Variants in GPD1 observed in about 807,000 individuals in gnomAD.
The protein encoded by GPD1 is glycerol-3-phosphate dehydrogenase [NAD(+)], cytoplasmic.
A neutral mutation model predicts 34.4 loss-of-function variants in GPD1; 19 were observed. The observed-to-expected ratio is 0.55, with a 90% CI of 0.39 to 0.81. The LOEUF is 0.81. GPD1 is among the 30% of genes least tolerant of loss of function. The pLI is 0.00. For synonymous variants in GPD1, 172 were observed against 174.1 expected, an observed-to-expected ratio of 0.99 and a Z score of 0.09; for missense variants, 429 against 447.0, an observed-to-expected ratio of 0.96 and a Z score of 0.36.
In GPD1 at chr12:50,104,623, C is replaced by T. The variant is rs758587030; in HGVS notation, c.91C>T (p.Gln31Ter). 5 of 1,613,742 alleles carry T rather than the reference C, an allele frequency of 3.1e-6. No individual in the cohort carries two copies. Among genetic ancestry groups the T allele is most frequent in the Non-Finnish European group, 4.2e-6 (5 of 1,179,768 alleles). ...IVGGNAAQLA[Q>*]FDPRVTMWVF... ...GGGTGGCAATGCAGCCCAGCTGGCA[C>T]AGTTTGACCCACGGGTGACCATGTG... Residue 31 changes from glutamine (Q) to a stop codon, truncating the protein, a stop_gained, in exon 2 of 8, where the codon CAG becomes TAG. Coordinates refer to ENST00000301149, the MANE Select transcript of GPD1 (RefSeq NM_005276.4). LOFTEE classifies it high-confidence loss of function.
At chr12:50,106,452 C>T (rs1173907272) in intron 4 of GPD1, 26 bp downstream of exon 4, 1 of 1,602,898 alleles carries the variant, frequency 6.2e-7, no homozygotes, top group Non-Finnish European at 8.5e-7. Context: ...CACCTGCATA[C>T]ACAGTGCATC....
chr12:50,105,814 G>C, intron 3 of GPD1, 126 bp downstream of exon 3: 1 of 982,906 alleles, frequency 1.0e-6, no homozygotes, highest in Non-Finnish European at 1.6e-6. Context: ...GAAAAGAGAG[G>C]CAGTTGGCTC....
chr12:50,107,152 G>C (rs557551735), intron 5 of GPD1: 2 of 676,046 alleles, frequency 3.0e-6, no homozygotes, highest in African/African-American at 1.8e-5. Flanking sequence ...TTTTAGCCCC[G>C]TGTGGGACTC....
At position 50,104,670 on chromosome 12, in the gene GPD1, A is replaced by G; in HGVS notation, c.138A>G (p.Gly46=). The G allele has an allele frequency of 1.2e-6, 2 of 1,613,948 alleles. No homozygotes were observed. Among genetic ancestry groups the G allele is most frequent in the Non-Finnish European group, 1.7e-6 (2 of 1,179,828 alleles). The change falls in exon 2 of 8, where the codon GGA becomes GGG. Residue 46 remains glycine (G), a synonymous_variant. Coordinates refer to ENST00000301149, the MANE Select transcript of GPD1 (RefSeq NM_005276.4). ...TGTGGGTATTTGAGGAAGACATTGG[A>G]GGCAAAAAGCTGACTGAGATCATCA... ...VTMWVFEEDI[G]GKKLTEIINT...
intron 4 of GPD1, 74 bp from the exon 5 acceptor site, chr12:50,106,731 A>T (rs980134085): frequency 2.4e-6 from 2 of 850,342 alleles, no homozygotes; most frequent in Admixed American, 5.6e-5. Context: ...ACAGAGAGAG[A>T]CTCCCATCTC....
chr12:50,109,610 C>G lies in GPD1; in HGVS notation c.*91C>G. 1.4e-6 allele frequency: 1 copy of G among 730,370 alleles called. No individual in the cohort carries two copies. The highest frequency in any genetic ancestry group is 2.5e-6 in the Non-Finnish European group (1 of 397,290). 45.2% of individuals were successfully genotyped at this position (730,370 alleles called of 1,614,324 possible). ...CCTAGTCACCAGGATCTCCAGGACT[C>G]CCAGGGAGCAGAGTCTTCTCATCTT... is the stretch of plus-strand genomic sequence containing the variant. On this transcript the variant is annotated 3_prime_UTR_variant, in exon 8 of 8. Transcript: ENST00000301149.
At chr12:50,105,304 T>G in intron 2 of GPD1, 1 of 555,248 alleles carries the variant, frequency 1.8e-6, no homozygotes, top group South Asian at 2.2e-5. Context: ...GATAGGAGAG[T>G]GCTGGGATGA....
intron 5 of GPD1, chr12:50,107,127 C>CT: frequency 1.5e-6 from 1 of 688,680 alleles, no homozygotes. Flanking sequence ...CGTGGACCCC[C>CT]TTGCTCCTGT....
At position 50,108,117 on chromosome 12, in the gene GPD1, G is replaced by C; in HGVS notation, c.940G>C (p.Gly314Arg). The C allele has an allele frequency of 1.2e-6, 2 of 1,600,732 alleles. No individual in the cohort carries two copies. The highest frequency in any genetic ancestry group is 1.7e-6 in the Non-Finnish European group (2 of 1,168,600). The change falls in exon 7 of 8, where the codon GGC (glycine) becomes CGC (arginine). Residue 314 changes from glycine (G) to arginine (R), a missense_variant. By Grantham distance (125) the Gly-to-Arg change is moderately radical. Coordinates refer to ENST00000301149, the MANE Select transcript of GPD1 (RefSeq NM_005276.4). Reference protein sequence around the residue: ...RELYSILQHKGLVDKFPLFMA... With the variant: ...RELYSILQHKRLVDKFPLFMA... The stretch of plus-strand genomic sequence containing the variant: ...GCTATACAGCATCCTCCAGCACAAG[G>C]GCCTGGTAGACAAGTAAGTATTGGC...
rs201664940 is a variant in GPD1 at position 50,109,618 on chromosome 12, G to T, written c.*99G>T. ...CCAGGATCTCCAGGACTCCCAGGGA[G>T]CAGAGTCTTCTCATCTTTTCACTGG... On this transcript the variant is annotated 3_prime_UTR_variant, in exon 8 of 8. Coordinates refer to ENST00000301149, the MANE Select transcript of GPD1 (RefSeq NM_005276.4). 75 of 703,038 alleles carry T rather than the reference G, an allele frequency of 1.1e-4. No homozygotes were observed. Among genetic ancestry groups the T allele is most frequent in the Middle Eastern group, 7.3e-4 (2 of 2,756 alleles). The allele number at this position is 703,038 out of a possible 1,614,324, so 43.5% of individuals were successfully genotyped here. A position where few individuals can be genotyped will look rare whatever the true frequency, so the allele number is the denominator to read the frequency against.
rs1457680493 is a variant in GPD1, at chr12:50,106,867, A to G, written c.562A>G (p.Ile188Val). Residue 188 changes from isoleucine to valine, a missense_variant, in exon 5 of 8, where the codon ATC becomes GTC. Ile to Val is a conservative substitution (Grantham distance 29). Coordinates refer to ENST00000301149, the MANE Select transcript of GPD1 (RefSeq NM_005276.4). ...GCTGATGCAGACACCAAACTTCCGT[A>G]TCACAGTGGTGCAAGAGGTGGACAC... is the stretch of plus-strand genomic sequence containing the variant. The part of the protein sequence containing the change: ...KELMQTPNFR[I>V]TVVQEVDTVE... 2 of 1,613,624 alleles carry G rather than the reference A, an allele frequency of 1.2e-6. No individual in the cohort carries two copies. Among genetic ancestry groups the G allele is most frequent in the Non-Finnish European group, 1.7e-6 (2 of 1,179,610 alleles).
chr12:50,110,385 TC>T lies in GPD1; in HGVS notation c.*869del, dbSNP rs1488207552. Reference sequence around the variant, plus strand: ...TCATAACAGGCTCAGATCACTCAGCTCCCTGTGACCTTTGTATTCACCCAGG... The same window carrying T: ...TCATAACAGGCTCAGATCACTCAGCTCCTGTGACCTTTGTATTCACCCAGG... On this transcript the variant is annotated 3_prime_UTR_variant, in exon 8 of 8. Coordinates refer to ENST00000301149, the MANE Select transcript of GPD1 (RefSeq NM_005276.4). 6.5e-6 allele frequency: 1 copy of T among 152,818 alleles called. No homozygotes were observed. Among genetic ancestry groups the T allele is most frequent in the Non-Finnish European group, 1.5e-5 (1 of 68,192 alleles). The allele number at this position is 152,818 out of a possible 1,614,324, so 9.5% of individuals were successfully genotyped here.
Position 50,104,106 on chromosome 12 carries a change from C to T in GPD1, c.41+15C>T, listed in dbSNP as rs764978813. 1.9e-6 allele frequency: 3 copies of T among 1,612,878 alleles called. No individual in the cohort carries two copies. Among genetic ancestry groups the T allele is most frequent in the Admixed American group, 1.7e-5 (1 of 60,014 alleles). On this transcript the variant is annotated intron_variant, in intron 1 of 7. Transcript: ENST00000301149. ...TCCGGGAACTGGTAAGCAGCTCTGT[C>T]AAGTGATATGGGGGAAGGGTAGGCC...
In GPD1 at chr12:50,107,551, C is replaced by A; in HGVS notation, c.613-16C>A. 1.3e-6 allele frequency: 2 copies of A among 1,599,884 alleles called. No homozygotes were observed. The highest frequency in any genetic ancestry group is 1.7e-6 in the Non-Finnish European group (2 of 1,167,132). On this transcript the variant is annotated splice_polypyrimidine_tract_variant and intron_variant, in intron 5 of 7. Transcript: ENST00000301149. ...GGAGGGGGTCTTTTCTCACCTATGA[C>A]CTCCACTCCTTCAAGAATGTAGTGG...
chr12:50,107,397 G>C (rs761149948), intron 5 of GPD1, 170 bp from the exon 6 acceptor site: 2 of 721,760 alleles, frequency 2.8e-6, no homozygotes, highest in South Asian at 1.4e-5. Context: ...CTTAAGAAAG[G>C]GGGTGCAGCA....
intron 6 of GPD1, 33 bp downstream of exon 6, chr12:50,107,833 G>A (rs372480163): frequency 1.5e-4 from 221 of 1,433,322 alleles, no homozygotes; most frequent in Admixed American, 4.7e-4. Context: ...ACAGAGGGGC[G>A]GCTCTGTAGG....
intron 5 of GPD1, 89 bp from the exon 6 acceptor site, chr12:50,107,478 G>A: frequency 2.0e-6 from 2 of 998,484 alleles, no homozygotes; most frequent in Non-Finnish European, 3.2e-6. Context: ...TGCAGTGGGT[G>A]TCACGGCTGA....
In GPD1 at chr12:50,106,902, C is replaced by T. The variant is rs1448202948; in HGVS notation, c.597C>T (p.Ile199=). The T allele has an allele frequency of 2.5e-6, 4 of 1,605,228 alleles. No individual in the cohort carries two copies. Among genetic ancestry groups the T allele is most frequent in the Non-Finnish European group, 3.4e-6 (4 of 1,171,970 alleles). Residue 199 remains isoleucine, a synonymous_variant, in exon 5 of 8, where the codon ATC becomes ATT. Coordinates refer to ENST00000301149, the MANE Select transcript of GPD1 (RefSeq NM_005276.4). ...TVVQEVDTVE[I]CGALKNVVAV... ...TGCAAGAGGTGGACACAGTAGAGAT[C>T]TGTGGAGCCTTAAAGGTGAGAGGGG...
chr12:50,106,562 G>A, intron 4 of GPD1, 136 bp downstream of exon 4: 1 of 885,200 alleles, frequency 1.1e-6, no homozygotes, highest in Non-Finnish European at 1.8e-6. Context: ...GAAGGAGGCT[G>A]GGACACCCCC....
Sources: allele counts gnomAD v4.1 joint callset, GRCh38; gene constraint gnomAD v4.1.1; transcripts MANE v1.5; gene names NCBI Gene and HGNC (gene_info 2026-07-23, HGNC 2026-07-21).